NRXN3: variants seen among roughly 807,000 people sequenced by gnomAD.
NRXN3 encodes neurexin III.
NRXN3 carries 32 observed loss-of-function variants against 137.6 expected under a neutral mutation model. The observed-to-expected ratio is 0.23, with a 90% CI of 0.18 to 0.31. The LOEUF (loss-of-function observed/expected upper bound fraction) is 0.31, where lower values mean the gene tolerates loss of function less well. Ranked by LOEUF, NRXN3 falls within the 10% of genes least tolerant of loss-of-function variation. NRXN3 has a pLI of 1.00. For synonymous variants in NRXN3, 798 were observed against 784.5 expected (o/e 1.02, Z -0.29); for missense variants, 1,574 against 2,062.5 (o/e 0.76, Z 4.59).
intron 19 of NRXN3, among the ~76,000 whole-genome samples, chr14:79,713,911 G>A (rs2098814825): frequency 6.6e-6 from 1 of 151,968 alleles, no homozygotes; most frequent in South Asian, 2.1e-4. Flanking sequence ...GATTAGAATT[G>A]TCACTCTGGA....
intron 19 of NRXN3, among the ~76,000 whole-genome samples, chr14:79,769,345 A>T (rs1461163131): frequency 5.3e-5 from 8 of 151,708 alleles, no homozygotes; most frequent in African/African-American, 1.5e-4. Flanking sequence ...GTTGAAATGA[A>T]GGAAAAAATG....
chr14:78,283,973 G>T (rs1202780002), intron 3 of NRXN3, among the ~76,000 whole-genome samples: 4 of 152,144 alleles, frequency 2.6e-5, no homozygotes, highest in East Asian at 1.9e-4. Context: ...CTTTGTGGGG[G>T]TTCCACTTCT....
chr14:78,954,823 G>T lies in NRXN3; in HGVS notation c.2276-2419G>T, dbSNP rs181720507. Among the ~76,000 whole-genome samples, 59 of 137,366 alleles carry T rather than the reference G, an allele frequency of 4.3e-4. No individual in the cohort carries two copies. The East Asian group carries it at 0.011, about 27-fold the overall frequency. 90.1% of individuals were successfully genotyped at this position (137,366 alleles called of 152,430 possible). A position where few individuals can be genotyped will look rare whatever the true frequency, so the allele number is the denominator to read the frequency against. On this transcript the variant is annotated intron_variant, in intron 10 of 20. Coordinates refer to ENST00000335750, the MANE Select transcript of NRXN3 (RefSeq NM_001330195.2). The stretch of plus-strand genomic sequence containing the variant: ...TATTCATTGGCCATCACATTCCAAA[G>T]TTTTACAGTCAAATGGACAGTTAAA...
intron 4 of NRXN3, among the ~76,000 whole-genome samples, chr14:78,497,848 GA>G (rs1408293200): frequency 6.6e-6 from 1 of 152,184 alleles, no homozygotes; most frequent in African/African-American, 2.4e-5. Context: ...TGTAGGATGA[GA>G]ATGGTAATCA....
chr14:78,216,348 T>C (rs1178262146), intron 1 of NRXN3, among the ~76,000 whole-genome samples: 1 of 152,228 alleles, frequency 6.6e-6, no homozygotes, highest in Non-Finnish European at 1.5e-5. Flanking sequence ...CCTCCAGATG[T>C]CTCTGTGGCT....
intron 1 of NRXN3, among the ~76,000 whole-genome samples, chr14:78,224,645 T>C (rs939058483): frequency 2.0e-5 from 3 of 152,112 alleles, no homozygotes; most frequent in African/African-American, 7.2e-5. Context: ...ATGGTGTATA[T>C]GTGCCACATT....
At chr14:78,523,107 T>G (rs1334056253) in intron 4 of NRXN3, among the ~76,000 whole-genome samples, 1 of 152,202 alleles carries the variant, frequency 6.6e-6, no homozygotes, top group African/African-American at 2.4e-5. Flanking sequence ...ACCATGACAA[T>G]AGACACAAGT....
chr14:79,108,071 G>T (rs2052781730), intron 15 of NRXN3, among the ~76,000 whole-genome samples: 2 of 152,152 alleles, frequency 1.3e-5, no homozygotes, highest in African/African-American at 2.4e-5. Flanking sequence ...AACAGGGAAG[G>T]AGTAGTAGCT....
chr14:79,568,342 T>C (rs1276963785), intron 16 of NRXN3, among the ~76,000 whole-genome samples: 1 of 152,210 alleles, frequency 6.6e-6, no homozygotes, highest in Non-Finnish European at 1.5e-5. Flanking sequence ...CCTAGCATTG[T>C]CAGATGAACT....
chr14:79,710,101 C>CAA (rs2098797606), intron 19 of NRXN3, among the ~76,000 whole-genome samples: 1 of 152,006 alleles, frequency 6.6e-6, no homozygotes, highest in African/African-American at 2.4e-5. Context: ...CTGTTGTTTT[C>CAA]CATTTAAAGT....
At chr14:79,550,946 A>C (rs1281914936) in intron 16 of NRXN3, among the ~76,000 whole-genome samples, 2 of 152,210 alleles carry the variant, frequency 1.3e-5, no homozygotes. Context: ...GACATAAACA[A>C]AAGTTCCTAA....
chr14:79,502,521 C>T (rs2096835487), intron 16 of NRXN3, among the ~76,000 whole-genome samples: 1 of 151,786 alleles, frequency 6.6e-6, no homozygotes, highest in Non-Finnish European at 1.5e-5. Flanking sequence ...CCACACCCCC[C>T]ACCCCACCTC....
At chr14:78,173,546 C>T (rs59597870) in intron 1 of NRXN3, among the ~76,000 whole-genome samples, 5,960 of 148,078 alleles carry the variant, frequency 0.04, 233 homozygotes, top group East Asian at 0.11. Context: ...CACCACCAAT[C>T]TCCCCCTCCA....
intron 8 of NRXN3, among the ~76,000 whole-genome samples, chr14:78,779,272 G>A (rs2098759882): frequency 6.6e-6 from 1 of 151,946 alleles, no homozygotes; most frequent in Non-Finnish European, 1.5e-5. Context: ...TAAAGGAACA[G>A]AAGCAAAATC....
chr14:78,753,919 A>G (rs1378704610), intron 8 of NRXN3: 2 of 152,158 alleles, frequency 1.3e-5, no homozygotes, highest in African/African-American at 4.8e-5. Context: ...TCAAAGAATA[A>G]TATGTAGGAA....
At chr14:79,358,611 A>G (rs201519526) in intron 15 of NRXN3, among the ~76,000 whole-genome samples, 736 of 61,142 alleles carry the variant, frequency 0.012, 8 homozygotes, top group South Asian at 0.026. Flanking sequence ...AAGAAAGAGA[A>G]AGAAAGAAAG....
chr14:78,987,019 C>CAA (rs36081362), intron 14 of NRXN3, among the ~76,000 whole-genome samples: 7,984 of 53,868 alleles, frequency 0.15, 804 homozygotes, highest in Non-Finnish European at 0.17. Context: ...GAGACTGTCT[C>CAA]AAAAAAAAAA....
intron 19 of NRXN3, among the ~76,000 whole-genome samples, chr14:79,702,889 G>GTCTTTTACAACTAAAGTGTAT (rs2098760419): frequency 6.6e-6 from 1 of 150,586 alleles, no homozygotes; most frequent in African/African-American, 2.4e-5. Context: ...TGAGAAACAA[G>GTCTTTTACAACTAAAGTGTAT]TCTTTTACCT....
intron 6 of NRXN3, among the ~76,000 whole-genome samples, chr14:78,657,480 C>G (rs1343404798): frequency 6.6e-6 from 1 of 152,190 alleles, no homozygotes; most frequent in Non-Finnish European, 1.5e-5. Context: ...TCTCTCATCT[C>G]TCTTTTCTCA....
Sources: gnomAD v4.1 joint callset for allele counts (sites outside exome capture counted in the v4.1 genomes callset) on GRCh38, gnomAD v4.1.1 for gene constraint, MANE v1.5 for transcripts, NCBI Gene and HGNC (gene_info 2026-07-23, HGNC 2026-07-21) for gene names.